Variants in RBPMS observed in about 807,000 individuals in gnomAD.
The protein encoded by RBPMS is RNA-binding protein with multiple splicing.
In RBPMS, 7 loss-of-function variants were observed where a neutral mutation model predicts 26.8. The ratio of observed to expected loss-of-function variants is 0.26; its 90% CI spans 0.15 to 0.49. The LOEUF (loss-of-function observed/expected upper bound fraction) is 0.49. Ranked by LOEUF, RBPMS falls within the 20% of genes least tolerant of loss-of-function variation. The pLI is 0.98. For missense variants in RBPMS, 186 were observed against 250.0 expected (o/e 0.74, Z 1.73); for synonymous variants, 96 against 93.3 (o/e 1.03, Z -0.17).
chr8:30,486,658 T>C (rs1479570221), intron 4 of RBPMS, among the ~76,000 whole-genome samples: 1 of 151,336 alleles, frequency 6.6e-6, no homozygotes, highest in Non-Finnish European at 1.5e-5. Context: ...AATAAAAGAA[T>C]CTCAAGGAAG....
At chr8:30,538,486 C>A (rs1825041149) in intron 5 of RBPMS, among the ~76,000 whole-genome samples, 1 of 152,142 alleles carries the variant, frequency 6.6e-6, no homozygotes, top group Admixed American at 6.5e-5. Flanking sequence ...GAACTCCTGA[C>A]CTCAAGTAAT....
rs140824181 is a variant in RBPMS, at chr8:30,486,364, T to TAAAA, written c.246+6994_246+6997dup. On this transcript the variant is annotated intron_variant, in intron 4 of 8. Transcript: ENST00000397323. ...CAAATAAATAAATAAATAAATAACA[T>TAAAA]AAAAAAAAAACAAAAAACAGGGTTC... 1.1e-4 allele frequency among the ~76,000 whole-genome samples: 15 copies of TAAAA among 140,466 alleles called. 1 individual carries two copies. The highest frequency in any genetic ancestry group is 3.8e-4 in the African/African-American group (14 of 36,436). The allele number at this position is 140,466 out of a possible 152,430, so 92.2% of individuals were successfully genotyped here.
chr8:30,551,458 C>T (rs1435278896), intron 6 of RBPMS, among the ~76,000 whole-genome samples: 2 of 152,202 alleles, frequency 1.3e-5, no homozygotes, highest in Non-Finnish European at 2.9e-5. Context: ...AACATCTCAA[C>T]GTGGGCCTCC....
At chr8:30,433,603 C>T (rs993723164) in intron 1 of RBPMS, among the ~76,000 whole-genome samples, 1 of 152,106 alleles carries the variant, frequency 6.6e-6, no homozygotes, top group East Asian at 1.9e-4. Flanking sequence ...GCCAGTGAGG[C>T]AGAGGTTGCA....
chr8:30,446,278 A>T (rs1011566122), intron 1 of RBPMS, among the ~76,000 whole-genome samples: 1 of 152,166 alleles, frequency 6.6e-6, no homozygotes, highest in Non-Finnish European at 1.5e-5. Flanking sequence ...TATTTTTAGC[A>T]GTCTCACAGT....
intron 5 of RBPMS, among the ~76,000 whole-genome samples, chr8:30,514,309 G>A (rs1332383267): frequency 6.6e-6 from 1 of 152,162 alleles, no homozygotes; most frequent in Non-Finnish European, 1.5e-5. Context: ...TTTAAGGTAT[G>A]AAGTAAATGG....
At position 30,458,980 on chromosome 8, in the gene RBPMS, T is replaced by G. The variant is rs868467801; in HGVS notation, c.67-15799T>G. On this transcript the variant is annotated intron_variant, in intron 1 of 8. Coordinates refer to ENST00000397323, the MANE Select transcript of RBPMS (RefSeq NM_001008710.3). ...CATGTTGGCTTTTTTTTTTTTTTTT[T>G]GAGACGGAGTCTCACTCTTGTCACC... Among the ~76,000 whole-genome samples, 1,045 of 149,870 alleles carry G rather than the reference T, an allele frequency of 7.0e-3. 10 individuals carry two copies. The highest frequency in any genetic ancestry group is 0.024 in the African/African-American group (959 of 40,196).
intron 5 of RBPMS, among the ~76,000 whole-genome samples, chr8:30,534,784 G>GAA: frequency 1 from 2 of 2 alleles, 1 homozygote; most frequent in Non-Finnish European, 1. Context: ...ACTTTGGGAG[G>GAA]CCGAGGCGGG....
intron 1 of RBPMS, among the ~76,000 whole-genome samples, chr8:30,432,490 ATCC>A (rs1297485769): frequency 6.6e-6 from 1 of 152,202 alleles, no homozygotes; most frequent in Non-Finnish European, 1.5e-5. Flanking sequence ...GGCTACTTAA[ATCC>A]TCCTTGGAAG....
At chr8:30,461,342 T>C (rs755216172) in intron 1 of RBPMS, among the ~76,000 whole-genome samples, 8 of 152,248 alleles carry the variant, frequency 5.3e-5, no homozygotes, top group Non-Finnish European at 1.0e-4. Flanking sequence ...TACTGAAATT[T>C]GCTTAACTAA....
intron 1 of RBPMS, among the ~76,000 whole-genome samples, chr8:30,454,130 C>G (rs1469003641): frequency 6.6e-6 from 1 of 152,188 alleles, no homozygotes. Flanking sequence ...CTTGAACATA[C>G]TTTACCCCAG....
intron 1 of RBPMS, among the ~76,000 whole-genome samples, chr8:30,446,239 C>T (rs1306578158): frequency 2.6e-5 from 4 of 152,102 alleles, no homozygotes; most frequent in Non-Finnish European, 4.4e-5. Context: ...GGTTAATCTG[C>T]GAAGTAGATT....
At chr8:30,430,145 G>C (rs12549305) in intron 1 of RBPMS, among the ~76,000 whole-genome samples, 1 of 152,020 alleles carries the variant, frequency 6.6e-6, no homozygotes, top group Non-Finnish European at 1.5e-5. Flanking sequence ...GCATGATGGC[G>C]CCCGCCTGTA....
At chr8:30,478,865 T>C (rs1008723458) in intron 3 of RBPMS, among the ~76,000 whole-genome samples, 1 of 152,242 alleles carries the variant, frequency 6.6e-6, no homozygotes, top group Non-Finnish European at 1.5e-5. Context: ...ATTTTGGTCA[T>C]GCAGTGAGAG....
rs961820223 is a variant in RBPMS, at chr8:30,451,410, C to T, written c.67-23369C>T. 2.0e-5 allele frequency among the ~76,000 whole-genome samples: 3 copies of T among 152,134 alleles called. 1 individual carries two copies. Among genetic ancestry groups the T allele is most frequent in the Admixed American group, 2.0e-4 (3 of 15,266 alleles). ...TGTTGTTCAGGCAAGACTGAGATGT[C>T]TTTCATTATTTAGTGGGTGTTTTGA... On this transcript the variant is annotated intron_variant, in intron 1 of 8. Transcript: ENST00000397323.
Position 30,549,809 on chromosome 8 carries a change from T to TCTCTCTCCCCTCTCTC in RBPMS, c.528+5192_528+5193insCCCTCTCTCCTCTCTC, listed in dbSNP as rs1826191228. ...CTCTCTCTCTCTCCCCTCTCTCCTC[T>TCTCTCTCCCCTCTCTC]CTCTCTCTCTCTCTCTCTTTTCTTT... On this transcript the variant is annotated intron_variant, in intron 6 of 8. Coordinates refer to ENST00000397323, the MANE Select transcript of RBPMS (RefSeq NM_001008710.3). Among the ~76,000 whole-genome samples, 181 of 92,516 alleles carry TCTCTCTCCCCTCTCTC rather than the reference T, an allele frequency of 2.0e-3. 1 individual carries two copies. Among genetic ancestry groups the TCTCTCTCCCCTCTCTC allele is most frequent in the African/African-American group, 7.4e-3 (168 of 22,674 alleles). The allele number at this position is 92,516 out of a possible 152,430, so 60.7% of individuals were successfully genotyped here.
At chr8:30,407,997 G>A (rs1808850101) in intron 1 of RBPMS, among the ~76,000 whole-genome samples, 1 of 151,920 alleles carries the variant, frequency 6.6e-6, no homozygotes. Context: ...TGCAACACAG[G>A]ACTTGTGTAA....
At chr8:30,549,798 CCT>C (rs772573793) in intron 6 of RBPMS, among the ~76,000 whole-genome samples, 4 of 97,756 alleles carry the variant, frequency 4.1e-5, no homozygotes, top group South Asian at 6.8e-4. Context: ...CTCTCTCTCC[CCT>C]CTCTCCTCTC....
chr8:30,451,531 T>C (rs1814589977), intron 1 of RBPMS, among the ~76,000 whole-genome samples: 1 of 152,190 alleles, frequency 6.6e-6, no homozygotes, highest in African/African-American at 2.4e-5. Context: ...TTATCTCCAC[T>C]GTCCCCTGCA....
Sources: allele counts gnomAD v4.1 joint callset (sites outside exome capture counted in the v4.1 genomes callset), GRCh38; gene constraint gnomAD v4.1.1; transcripts MANE v1.5; gene names NCBI Gene and HGNC (gene_info 2026-07-23, HGNC 2026-07-21).